The following ERC2 variants were observed in gnomAD, a reference collection of about 807,000 sequenced individuals.
ERC2 encodes the protein ERC protein 2.
A neutral mutation model predicts 114.8 loss-of-function variants in ERC2; 42 were observed. That is an observed-to-expected ratio of 0.37 (90% CI 0.29 to 0.47). ERC2 has a LOEUF of 0.47. Ranked by LOEUF, ERC2 falls within the 20% of genes least tolerant of loss-of-function variation. The probability of loss-of-function intolerance (pLI) is 0.99; values close to 1 mark genes in which losing one functional copy is unlikely to be tolerated. For synonymous variants in ERC2, 454 were observed against 425.5 expected (o/e 1.07, Z -0.82); for missense variants, 939 against 1,150.7 (o/e 0.82, Z 2.66).
At chr3:55,978,696 G>A (rs1192737851) in intron 12 of ERC2, among the ~76,000 whole-genome samples, 1 of 152,202 alleles carries the variant, frequency 6.6e-6, no homozygotes, top group African/African-American at 2.4e-5. Flanking sequence ...CCACTTTACA[G>A]ATACAGAGAT....
intron 3 of ERC2, among the ~76,000 whole-genome samples, chr3:56,256,210 G>C (rs769130380): frequency 6.6e-6 from 1 of 152,200 alleles, no homozygotes; most frequent in Non-Finnish European, 1.5e-5. Flanking sequence ...GACCTGCAGA[G>C]ACAACTAGGA....
At chr3:56,292,765 C>T (rs57998520) in intron 3 of ERC2, among the ~76,000 whole-genome samples, 1 of 152,138 alleles carries the variant, frequency 6.6e-6, no homozygotes, top group Admixed American at 6.5e-5. Context: ...CACCTACCTC[C>T]TAGGCCATGG....
Position 55,511,175 on chromosome 3 carries a change from C to A in ERC2, c.*141G>T, listed in dbSNP as rs2107121977. 6.5e-6 allele frequency: 1 copy of A among 152,712 alleles called. No homozygotes were observed. The highest frequency in any genetic ancestry group is 1.5e-5 in the Non-Finnish European group (1 of 68,028). 9.5% of individuals were successfully genotyped at this position (152,712 alleles called of 1,614,324 possible). Reference sequence around the variant, plus strand: ...AAAACTCCCCTTCAGTTCTGATGAGCCGCTCCAGGTGGTGGTGGACAGTGA... The same window carrying A: ...AAAACTCCCCTTCAGTTCTGATGAGACGCTCCAGGTGGTGGTGGACAGTGA... On this transcript the variant is annotated 3_prime_UTR_variant, in exon 18 of 18. Coordinates refer to ENST00000288221, the MANE Select transcript of ERC2 (RefSeq NM_015576.3).
intron 14 of ERC2, among the ~76,000 whole-genome samples, chr3:55,856,007 A>G (rs2061768997): frequency 6.6e-6 from 1 of 152,218 alleles, no homozygotes; most frequent in African/African-American, 2.4e-5. Flanking sequence ...GTAGAGATGA[A>G]CACTGAGCCT....
intron 15 of ERC2, among the ~76,000 whole-genome samples, chr3:55,733,464 TCACACA>T (rs60980671): frequency 7.5e-5 from 10 of 133,942 alleles, no homozygotes; most frequent in Non-Finnish European, 1.1e-4. Flanking sequence ...TCTCTCTCTC[TCACACA>T]CACACACACA....
chr3:56,252,210 A>G (rs773658439), intron 3 of ERC2, among the ~76,000 whole-genome samples: 1 of 152,214 alleles, frequency 6.6e-6, no homozygotes, highest in Non-Finnish European at 1.5e-5. Context: ...AACCTAAAAT[A>G]ATACTTTCCT....
At chr3:55,593,183 G>A (rs961732272) in intron 17 of ERC2, among the ~76,000 whole-genome samples, 1 of 152,182 alleles carries the variant, frequency 6.6e-6, no homozygotes, top group Non-Finnish European at 1.5e-5. Flanking sequence ...TCACACTAAT[G>A]TTAGGGTGGG....
chr3:56,145,893 T>C (rs1195929986), intron 5 of ERC2, among the ~76,000 whole-genome samples: 2 of 152,124 alleles, frequency 1.3e-5, no homozygotes, highest in Non-Finnish European at 2.9e-5. Context: ...ATGTGCCTAT[T>C]TAAAATATTT....
At chr3:55,754,306 C>T (rs890989248) in intron 14 of ERC2, among the ~76,000 whole-genome samples, 2 of 151,990 alleles carry the variant, frequency 1.3e-5, no homozygotes, top group African/African-American at 4.8e-5. Context: ...TCCACTGCCA[C>T]AGGCTTAAGC....
chr3:55,734,188 C>A (rs766919463), intron 15 of ERC2, among the ~76,000 whole-genome samples: 1 of 152,036 alleles, frequency 6.6e-6, no homozygotes, highest in African/African-American at 2.4e-5. Flanking sequence ...CACAGGATAA[C>A]GGGGCAAACA....
chr3:56,033,583 G>A (rs573181518), intron 7 of ERC2, among the ~76,000 whole-genome samples: 2 of 152,154 alleles, frequency 1.3e-5, no homozygotes, highest in Admixed American at 1.3e-4. Context: ...GAACTTCCAT[G>A]GATTTTGTTT....
chr3:56,084,957 T>G (rs73072536), intron 6 of ERC2, among the ~76,000 whole-genome samples: 20,267 of 151,696 alleles, frequency 0.13, 1,448 homozygotes, highest in East Asian at 0.15. Flanking sequence ...AGAGGACACT[T>G]AGGTTTTTAG....
chr3:55,888,999 A>C (rs1288515285), intron 13 of ERC2, among the ~76,000 whole-genome samples: 1 of 152,250 alleles, frequency 6.6e-6, no homozygotes, highest in Admixed American at 6.5e-5. Context: ...GTCCTTGTTC[A>C]ATTGGATTGC....
At chr3:56,311,819 ATGTGTG>A (rs10536094) in intron 2 of ERC2, among the ~76,000 whole-genome samples, 4,729 of 142,886 alleles carry the variant, frequency 0.033, 112 homozygotes, top group African/African-American at 0.073. Flanking sequence ...ATACATATAA[ATGTGTG>A]TGTGTGTGTG....
intron 3 of ERC2, among the ~76,000 whole-genome samples, chr3:56,266,583 G>C (rs371288753): frequency 5.4e-4 from 82 of 152,254 alleles, no homozygotes; most frequent in African/African-American, 1.9e-3. Flanking sequence ...CCCCACTCCT[G>C]TTGGAATGGC....
chr3:55,746,881 C>T (rs370135169), intron 14 of ERC2, among the ~76,000 whole-genome samples: 64 of 152,240 alleles, frequency 4.2e-4, no homozygotes, highest in African/African-American at 1.5e-3. Flanking sequence ...CTAGAGGAGA[C>T]ATTTTGGGAG....
intron 17 of ERC2, among the ~76,000 whole-genome samples, chr3:55,576,573 C>G (rs1322355060): frequency 7.9e-5 from 12 of 152,220 alleles, no homozygotes; most frequent in Non-Finnish European, 5.9e-5. Context: ...TGCTGCTGCC[C>G]AAGGGCTTCT....
intron 3 of ERC2, among the ~76,000 whole-genome samples, chr3:56,234,780 G>A (rs776311025): frequency 8.5e-5 from 13 of 152,148 alleles, no homozygotes; most frequent in Non-Finnish European, 1.8e-4. Context: ...GTGAGATAAA[G>A]AGACCAAACT....
At chr3:56,068,166 C>T (rs1034958048) in intron 7 of ERC2, among the ~76,000 whole-genome samples, 4 of 152,146 alleles carry the variant, frequency 2.6e-5, no homozygotes, top group Non-Finnish European at 5.9e-5. Context: ...TCCATCTGCT[C>T]CTGGGCTTTT....
Sources: gnomAD v4.1 joint callset for allele counts (sites outside exome capture counted in the v4.1 genomes callset) on GRCh38, gnomAD v4.1.1 for gene constraint, MANE v1.5 for transcripts, NCBI Gene and HGNC (gene_info 2026-07-23, HGNC 2026-07-21) for gene names.